Variants in MFSD8 observed in about 807,000 individuals in gnomAD.
MFSD8 encodes major facilitator superfamily domain containing 8, also known as major facilitator superfamily domain-containing protein 8.
Under a neutral mutation model 66.4 loss-of-function variants are expected in MFSD8, and 55 were observed. The observed-to-expected ratio is 0.83, with a 90% confidence interval of 0.67 to 1.04. MFSD8 has a LOEUF of 1.04. Among genes scored for constraint, MFSD8 ranks in the 50% least tolerant of loss-of-function variants. The probability of loss-of-function intolerance (pLI) is 0.00; values close to 1 mark genes in which losing one functional copy is unlikely to be tolerated. For synonymous variants in MFSD8, 202 were observed against 212.8 expected, an observed-to-expected ratio of 0.95 and a Z score of 0.44; for missense variants, 550 against 627.6, an observed-to-expected ratio of 0.88 and a Z score of 1.32.
At chr4:127,944,657 TTTTTA>T (rs1740745863) in intron 3 of MFSD8, among the ~76,000 whole-genome samples, 1 of 152,106 alleles carries the variant, frequency 6.6e-6, no homozygotes, top group African/African-American at 2.4e-5. Flanking sequence ...CTATTGTTTA[TTTTTA>T]TTTTTATTTT....
intron 9 of MFSD8, among the ~76,000 whole-genome samples, chr4:127,923,390 G>T (rs1232691128): frequency 1.3e-5 from 2 of 151,858 alleles, no homozygotes; most frequent in Admixed American, 1.3e-4. Context: ...ATAATCATGT[G>T]GTTTTTGTCA....
At position 127,918,677 on chromosome 4, in the gene MFSD8, T is replaced by C. The variant is rs1560712331; in HGVS notation, c.*1953A>G. On this transcript the variant is annotated 3_prime_UTR_variant, in exon 12 of 12. Transcript: ENST00000641686. ...ATGAAAAATCAAGTGGTTAAGACTG[T>C]GGACTTTAAGGATAGACTGTTACTT... 6.6e-6 allele frequency: 1 copy of C among 152,206 alleles called. No individual in the cohort carries two copies. The highest frequency in any genetic ancestry group is 6.6e-5 in the Admixed American group (1 of 15,266). 9.4% of individuals were successfully genotyped at this position (152,206 alleles called of 1,614,324 possible). A position where few individuals can be genotyped will look rare whatever the true frequency, so the allele number is the denominator to read the frequency against.
rs2148902873 is a variant in MFSD8 at position 127,938,841 on chromosome 4, TA to T, written c.699-4del. ...CTGAGTCATCCACACGATGTTCTCT[TA>T]AAAAGAAAAACACAAATATTGTACC... On this transcript the variant is annotated splice_polypyrimidine_tract_variant and splice_region_variant and intron_variant, in intron 6 of 11. Transcript: ENST00000641686. 3 of 1,605,494 alleles carry T rather than the reference TA, an allele frequency of 1.9e-6. No individual in the cohort carries two copies. Among genetic ancestry groups the T allele is most frequent in the South Asian group, 1.1e-5 (1 of 90,302 alleles).
chr4:127,923,394 T>G (rs1736637045), intron 9 of MFSD8, among the ~76,000 whole-genome samples: 1 of 152,062 alleles, frequency 6.6e-6, no homozygotes, highest in Non-Finnish European at 1.5e-5. Flanking sequence ...TCATGTGGTT[T>G]TTGTCATTGG....
At chr4:127,934,015 G>A (rs1174407986) in intron 7 of MFSD8, among the ~76,000 whole-genome samples, 2 of 152,158 alleles carry the variant, frequency 1.3e-5, no homozygotes, top group African/African-American at 4.8e-5. Flanking sequence ...AGTGCAGGTG[G>A]ATCACCTGAG....
intron 3 of MFSD8, among the ~76,000 whole-genome samples, chr4:127,945,918 CTT>C (rs373712196): frequency 1.5e-5 from 2 of 133,482 alleles, no homozygotes; most frequent in Non-Finnish European, 1.6e-5. Context: ...GAAAGCAAAA[CTT>C]TTTTTTTTTT....
In MFSD8 at chr4:127,938,000, T is replaced by C. The variant is rs548639577; in HGVS notation, c.754+783A>G. On this transcript the variant is annotated intron_variant, in intron 7 of 11. Transcript: ENST00000641686. Reference sequence around the variant, plus strand: ...TTTTTTTTTGGTAAAATATAGCTACTTACTGGGTTCTCTGGCTTATATGAA... The same window carrying C: ...TTTTTTTTTGGTAAAATATAGCTACCTACTGGGTTCTCTGGCTTATATGAA... 4.6e-5 allele frequency among the ~76,000 whole-genome samples: 7 copies of C among 152,272 alleles called. No individual in the cohort carries two copies. In the East Asian group the frequency reaches 1.4e-3, roughly 29 times the overall value.
At chr4:127,924,614 T>C (rs912263323) in intron 9 of MFSD8, among the ~76,000 whole-genome samples, 3 of 152,170 alleles carry the variant, frequency 2.0e-5, no homozygotes, top group Admixed American at 1.3e-4. Flanking sequence ...TGGAAAAACA[T>C]TCCATGCTCA....
intron 1 of MFSD8, among the ~76,000 whole-genome samples, chr4:127,963,008 T>C (rs1429918538): frequency 1.3e-5 from 2 of 152,340 alleles, no homozygotes; most frequent in Non-Finnish European, 2.9e-5. Context: ...GTAATTATTA[T>C]GTATATTTCA....
In MFSD8 at chr4:127,949,306, T is replaced by C. The variant is rs183686675; in HGVS notation, c.198+498A>G. 2.4e-3 allele frequency among the ~76,000 whole-genome samples: 371 copies of C among 152,296 alleles called. 1 individual carries two copies. The highest frequency in any genetic ancestry group is 4.9e-3 in the Admixed American group (75 of 15,300). On this transcript the variant is annotated intron_variant, in intron 3 of 11. Transcript: ENST00000641686. Reference sequence around the variant, plus strand: ...ACTGATGTTAAGCTACCTAACAAACTTACATATTCATGTCACCCCCTCTTC... The same window carrying C: ...ACTGATGTTAAGCTACCTAACAAACCTACATATTCATGTCACCCCCTCTTC...
At chr4:127,925,998 C>T (rs1471088941) in intron 9 of MFSD8, among the ~76,000 whole-genome samples, 4 of 151,860 alleles carry the variant, frequency 2.6e-5, no homozygotes, top group Non-Finnish European at 5.9e-5. Context: ...GAAAAACAAA[C>T]GCCACATGTT....
At chr4:127,924,756 G>A (rs185983069) in intron 9 of MFSD8, among the ~76,000 whole-genome samples, 1 of 152,080 alleles carries the variant, frequency 6.6e-6, no homozygotes, top group Non-Finnish European at 1.5e-5. Flanking sequence ...AATTTCATAC[G>A]GAACCAAAAC....
rs77648869 is a variant in MFSD8 at position 127,934,852 on chromosome 4, C to A, written c.755-1759G>T. Among the ~76,000 whole-genome samples, 632 of 148,324 alleles carry A rather than the reference C, an allele frequency of 4.3e-3. 4 individuals are homozygous for A. The highest frequency in any genetic ancestry group is 0.015 in the African/African-American group (609 of 40,038). ...GATTACAGGTGTGAGCCACCACGCC[C>A]AGCCTATGCCAGGTATTAATACATA... On this transcript the variant is annotated intron_variant, in intron 7 of 11. Coordinates refer to ENST00000641686, the MANE Select transcript of MFSD8 (RefSeq NM_001371596.2).
At chr4:127,930,329 A>C (rs960933893) in intron 9 of MFSD8, among the ~76,000 whole-genome samples, 5 of 152,208 alleles carry the variant, frequency 3.3e-5, no homozygotes, top group Non-Finnish European at 4.4e-5. Flanking sequence ...TATGGATAGA[A>C]GTTCTAGAAT....
chr4:127,940,733 A>G (rs1054339062), intron 5 of MFSD8, among the ~76,000 whole-genome samples: 7 of 146,286 alleles, frequency 4.8e-5, no homozygotes, highest in Non-Finnish European at 1.0e-4. Flanking sequence ...ATGAAGTGGC[A>G]AAATCTAATT....
intron 9 of MFSD8, among the ~76,000 whole-genome samples, chr4:127,927,036 T>C (rs1419732517): frequency 1.3e-5 from 2 of 152,204 alleles, no homozygotes; most frequent in Non-Finnish European, 2.9e-5. Context: ...GCAAATTACA[T>C]GAGATATCCA....
At chr4:127,947,390 C>T (rs1219571035) in intron 3 of MFSD8, among the ~76,000 whole-genome samples, 1 of 151,744 alleles carries the variant, frequency 6.6e-6, no homozygotes, top group African/African-American at 2.4e-5. Flanking sequence ...TCAGCCTGGC[C>T]GGTATGGTGA....
Position 127,944,022 on chromosome 4 carries a change from T to C in MFSD8, c.199-30A>G, listed in dbSNP as rs777383929. 4.6e-5 allele frequency: 74 copies of C among 1,613,636 alleles called. No individual in the cohort carries two copies. Among genetic ancestry groups the C allele is most frequent in the African/African-American group, 8.0e-5 (6 of 74,918 alleles). Reference sequence around the variant, plus strand: ...AGAAAAAGGTACAGTGCTTTAAGAATTGTTATCCAAGAAAAGTTTAAAACT... The same window carrying C: ...AGAAAAAGGTACAGTGCTTTAAGAACTGTTATCCAAGAAAAGTTTAAAACT... On this transcript the variant is annotated intron_variant, in intron 3 of 11. Transcript: ENST00000641686.
chr4:127,944,564 A>C (rs1228510672), intron 3 of MFSD8, among the ~76,000 whole-genome samples: 1 of 152,224 alleles, frequency 6.6e-6, no homozygotes, highest in Admixed American at 6.5e-5. Flanking sequence ...TATCATGATG[A>C]ACTTAAGGGG....
Sources: allele counts gnomAD v4.1 joint callset (sites outside exome capture counted in the v4.1 genomes callset), GRCh38; gene constraint gnomAD v4.1.1; transcripts MANE v1.5; gene names NCBI Gene and HGNC (gene_info 2026-07-23, HGNC 2026-07-21).